Variants in DST observed in about 807,000 individuals in gnomAD.
DST encodes dystonin, also known as bullous pemphigoid antigen.
In DST, 253 loss-of-function variants were observed where a neutral mutation model predicts 875.2. The observed-to-expected ratio is 0.29, with a 90% CI of 0.26 to 0.32. DST has a LOEUF of 0.32. DST is among the 10% of genes least tolerant of loss of function. DST has a pLI of 1.00. For missense variants in DST, 8,287 were observed against 9,111.6 expected, an observed-to-expected ratio of 0.91 and a Z score of 3.68; for synonymous variants, 3,124 against 3,197.1, an observed-to-expected ratio of 0.98 and a Z score of 0.77.
rs2098523545 is a variant in DST, at chr6:56,609,189, T to C, written c.5439A>G (p.Arg1813=). ...MISGLISPEL[R]KCFDLKDAKS... is the part of the protein sequence containing the mutation. ...TGGCATCTTTAAGGTCAAAGCACTT[T>C]CTTAATTCTGGTGAAATTAGACCAG... The change falls in exon 40 of 104, where the codon AGA becomes AGG. Residue 1813 remains arginine, a synonymous_variant. Transcript: ENST00000680361. The C allele has an allele frequency of 2.5e-6, 4 of 1,613,860 alleles. No individual in the cohort carries two copies. The highest frequency in any genetic ancestry group is 2.2e-5 in the South Asian group (2 of 91,076).
chr6:56,573,612 C>A, intron 51 of DST, 67 bp downstream of exon 51: 2 of 1,181,736 alleles, frequency 1.7e-6, no homozygotes, highest in Admixed American at 3.7e-5. Context: ...AATCTAACTA[C>A]ACTTTGAGCT....
chr6:56,603,761 T>A, intron 40 of DST, 48 bp from the exon 41 acceptor site: 1 of 1,577,856 alleles, frequency 6.3e-7, no homozygotes, highest in Non-Finnish European at 8.6e-7. Context: ...TATGCAGATG[T>A]TTAAAGCAAA....
At chr6:56,500,771 G>T (rs1467537632) in intron 80 of DST, among the ~76,000 whole-genome samples, 1 of 152,096 alleles carries the variant, frequency 6.6e-6, no homozygotes, top group Non-Finnish European at 1.5e-5. Context: ...ACAATGACAG[G>T]TATAATTAAG....
intron 2 of DST, among the ~76,000 whole-genome samples, chr6:56,947,233 A>AT: frequency 7.2e-6 from 1 of 138,924 alleles, no homozygotes; most frequent in African/African-American, 2.7e-5. Context: ...TCAAATGGTG[A>AT]TTTTTTGCTA....
Position 56,487,993 on chromosome 6 carries a change from C to T in DST, c.20878-720G>A, listed in dbSNP as rs537857670. On this transcript the variant is annotated intron_variant, in intron 86 of 103. Transcript: ENST00000680361. ...GTTATAATTACCTAAGAAGTTTTTA[C>T]GGCCTTTAAAAGCTACATACTTTAA... Among the ~76,000 whole-genome samples the T allele has an allele frequency of 1.1e-4, 17 of 152,238 alleles. No individual in the cohort carries two copies. In the East Asian group the frequency reaches 2.9e-3, roughly 26 times the overall value.
chr6:56,558,433 A>C (rs2152563291), intron 58 of DST, among the ~76,000 whole-genome samples: 1 of 152,180 alleles, frequency 6.6e-6, no homozygotes, highest in South Asian at 2.1e-4. Flanking sequence ...CTCTACCCTG[A>C]GTTTTTGATT....
At chr6:56,711,764 C>G (rs1456400474) in intron 5 of DST, among the ~76,000 whole-genome samples, 1 of 152,032 alleles carries the variant, frequency 6.6e-6, no homozygotes, top group African/African-American at 2.4e-5. Flanking sequence ...GAGAGAAGAA[C>G]AGCTAATAAA....
chr6:56,902,615 A>T (rs182684513), intron 2 of DST, among the ~76,000 whole-genome samples: 28 of 152,388 alleles, frequency 1.8e-4, no homozygotes, highest in African/African-American at 5.8e-4. Context: ...AACCGAGGTC[A>T]TTGTTTGGGC....
At chr6:56,499,857 A>C (rs1429984699) in intron 80 of DST, among the ~76,000 whole-genome samples, 1 of 152,128 alleles carries the variant, frequency 6.6e-6, no homozygotes, top group African/African-American at 2.4e-5. Context: ...CATGAGAATA[A>C]ACATATTTTG....
chr6:56,466,043 C>T (rs996091356), intron 99 of DST, 35 bp downstream of exon 99: 1 of 1,489,730 alleles, frequency 6.7e-7, no homozygotes, highest in Non-Finnish European at 9.2e-7. Context: ...AATTGAAATA[C>T]TTTCATGATG....
At chr6:56,483,527 C>CTTTTTTTTTTTTTTTTTT (rs138042978) in intron 88 of DST, 1 of 60,042 alleles carries the variant, frequency 1.7e-5, no homozygotes, top group Non-Finnish European at 2.7e-5. Context: ...TCTGGGTTTG[C>CTTTTTTTTTTTTTTTTTT]TTTTTTTTTT....
intron 103 of DST, 141 bp from the exon 104 acceptor site, chr6:56,459,408 C>T: frequency 1.2e-6 from 1 of 826,840 alleles, no homozygotes; most frequent in Non-Finnish European, 1.8e-6. Flanking sequence ...GGATTCACAG[C>T]CTTTCTCTAT....
In DST at chr6:56,635,697, T is replaced by C; in HGVS notation, c.3078A>G (p.Lys1026=). Residue 1026 remains lysine, a synonymous_variant, in exon 24 of 104, where the codon AAA becomes AAG. Coordinates refer to ENST00000680361, the MANE Select transcript of DST (RefSeq NM_001374736.1). ...TAYFEFFNDA[K]EATDYLRNLK... ...GATTCCTTAAGTAATCAGTAGCTTC[T>C]TTGGCATCATTGAAAAACTAAGGAA... is the stretch of plus-strand genomic sequence containing the variant. 6.2e-7 allele frequency: 1 copy of C among 1,613,844 alleles called. No individual in the cohort carries two copies. Among genetic ancestry groups the C allele is most frequent in the Non-Finnish European group, 8.5e-7 (1 of 1,179,902 alleles).
intron 69 of DST, among the ~76,000 whole-genome samples, chr6:56,520,656 A>G (rs1402850556): frequency 6.6e-6 from 1 of 152,122 alleles, no homozygotes; most frequent in Non-Finnish European, 1.5e-5. Context: ...CGTGTATCAA[A>G]ATAACTTATG....
intron 3 of DST, among the ~76,000 whole-genome samples, chr6:56,875,874 C>G (rs577099497): frequency 6.6e-6 from 1 of 152,338 alleles, no homozygotes; most frequent in Admixed American, 6.5e-5. Flanking sequence ...TTTTGCTACT[C>G]TGTAGCTGCT....
At chr6:56,806,036 T>C (rs2099752573) in intron 4 of DST, among the ~76,000 whole-genome samples, 1 of 152,138 alleles carries the variant, frequency 6.6e-6, no homozygotes, top group Non-Finnish European at 1.5e-5. Context: ...TGGGGGTAAG[T>C]GACAAGGTTC....
rs765148227 is a variant in DST, at chr6:56,639,981, T to C, written c.2567A>G (p.His856Arg). The C allele has an allele frequency of 9.9e-6, 16 of 1,613,942 alleles. No homozygotes were observed. The Admixed American group carries it at 2.7e-4, about 27-fold the overall frequency. Reference protein sequence around the residue: ...ESHLENHKNVHRAIEEFESSL... With the variant: ...ESHLENHKNVRRAIEEFESSL... ...AGATTCAAATTCTTCAATAGCTCTA[T>C]GAACATTTTTATGATTTTCTAAATG... The change falls in exon 19 of 104, where the codon CAT becomes CGT. Residue 856 changes from histidine (H) to arginine (R), a missense_variant. Physicochemically the swap from His to Arg is conservative, Grantham distance 29. Around this residue, in one of 10 missense-constraint regions of DST, gnomAD observed 1,160 missense variants for 1,424.3 expected, o/e 0.81. Coordinates refer to ENST00000680361, the MANE Select transcript of DST (RefSeq NM_001374736.1).
At chr6:56,625,885 A>T (rs1360602293) in intron 34 of DST, among the ~76,000 whole-genome samples, 2 of 151,762 alleles carry the variant, frequency 1.3e-5, no homozygotes, top group Admixed American at 6.6e-5. Flanking sequence ...GAGGTGTAAG[A>T]CAATGATATT....
intron 5 of DST, among the ~76,000 whole-genome samples, chr6:56,709,974 C>G (rs2099356475): frequency 6.6e-6 from 1 of 152,118 alleles, no homozygotes; most frequent in Admixed American, 6.5e-5. Flanking sequence ...GAAGATGAGG[C>G]TGGAACGATG....
Sources: allele counts gnomAD v4.1 joint callset (sites outside exome capture counted in the v4.1 genomes callset), GRCh38; gene constraint gnomAD v4.1.1; regional missense constraint gnomAD v4.1.1; transcripts MANE v1.5; gene names NCBI Gene and HGNC (gene_info 2026-07-23, HGNC 2026-07-21).